ANO10: variants seen among roughly 807,000 people sequenced by gnomAD.
ANO10 encodes anoctamin 10, also known as anoctamin-10.
A neutral mutation model predicts 74.7 loss-of-function variants in ANO10; 77 were observed. That is an observed-to-expected ratio of 1.03 (90% CI 0.86 to 1.25). The LOEUF is 1.25. Ranked by LOEUF, ANO10 falls within the 50% of genes most tolerant of loss-of-function variation. The probability of loss-of-function intolerance (pLI) is 0.00; values close to 1 mark genes in which losing one functional copy is unlikely to be tolerated. For missense variants in ANO10, 721 were observed against 778.1 expected (o/e 0.93, Z 0.87); for synonymous variants, 279 against 284.9 (o/e 0.98, Z 0.21).
intron 1 of ANO10, among the ~76,000 whole-genome samples, chr3:43,610,798 T>C (rs966751413): frequency 1.3e-5 from 2 of 152,240 alleles, no homozygotes; most frequent in Admixed American, 6.5e-5. Flanking sequence ...TTATGAATAC[T>C]AAATATCAGT....
intron 12 of ANO10, among the ~76,000 whole-genome samples, chr3:43,404,609 T>C (rs1417109414): frequency 1.3e-5 from 2 of 152,240 alleles, no homozygotes; most frequent in South Asian, 2.1e-4. Flanking sequence ...TGGCCAAGTA[T>C]GATGGCTCAT....
At chr3:43,445,977 C>T (rs916021800) in intron 11 of ANO10, among the ~76,000 whole-genome samples, 6 of 152,106 alleles carry the variant, frequency 3.9e-5, no homozygotes, top group Non-Finnish European at 7.4e-5. Flanking sequence ...GATTACAGAA[C>T]ACCAAACCCA....
At chr3:43,636,033 A>AAAAAAAAAC (rs2083606418) in intron 1 of ANO10, among the ~76,000 whole-genome samples, 1 of 151,186 alleles carries the variant, frequency 6.6e-6, no homozygotes, top group African/African-American at 2.4e-5. Flanking sequence ...AAAAAAAAAC[A>AAAAAAAAAC]AAAAAAACCC....
chr3:43,656,785 C>T (rs1408846495), intron 1 of ANO10, among the ~76,000 whole-genome samples: 1 of 152,242 alleles, frequency 6.6e-6, no homozygotes, highest in African/African-American at 2.4e-5. Flanking sequence ...TGCACACAGC[C>T]CGGGTTCCTG....
chr3:43,638,010 TATC>T (rs1247504428), intron 1 of ANO10, among the ~76,000 whole-genome samples: 1 of 152,214 alleles, frequency 6.6e-6, no homozygotes, highest in Non-Finnish European at 1.5e-5. Flanking sequence ...TGTGCATATT[TATC>T]TTCAAATACA....
rs559281298 is a variant in ANO10 at position 43,460,078 on chromosome 3, A to C, written c.1798-27351T>G. Among the ~76,000 whole-genome samples, 6 of 152,332 alleles carry C rather than the reference A, an allele frequency of 3.9e-5. No individual in the cohort carries two copies. In the South Asian group the frequency reaches 1.2e-3, roughly 32 times the overall value. ...AGCAAAGAAACAAAAAGGCATCCAT[A>C]ATAATGAGGGAAATGGGAAGAAGGC... On this transcript the variant is annotated intron_variant, in intron 11 of 12. Transcript: ENST00000292246.
chr3:43,514,963 A>G (rs543114210), intron 11 of ANO10, among the ~76,000 whole-genome samples: 2 of 152,358 alleles, frequency 1.3e-5, no homozygotes, highest in South Asian at 4.1e-4. Flanking sequence ...GGGATGCACT[A>G]AAACACTATG....
chr3:43,578,749 C>CAA (rs56186109), intron 5 of ANO10, among the ~76,000 whole-genome samples: 13,841 of 63,998 alleles, frequency 0.22, 4,213 homozygotes, highest in East Asian at 0.41. Flanking sequence ...GACTCCATCT[C>CAA]AAAAAAAAAA....
At chr3:43,630,019 A>G (rs941052627) in intron 1 of ANO10, among the ~76,000 whole-genome samples, 2 of 152,198 alleles carry the variant, frequency 1.3e-5, no homozygotes, top group African/African-American at 4.8e-5. Context: ...AGAAGTTGAG[A>G]GAAGAGAAAA....
At chr3:43,588,479 A>G (rs1394166596) in intron 4 of ANO10, among the ~76,000 whole-genome samples, 2 of 152,158 alleles carry the variant, frequency 1.3e-5, no homozygotes, top group African/African-American at 2.4e-5. Flanking sequence ...ATAAAATGTA[A>G]CATCAACTAT....
At chr3:43,562,595 C>G (rs566605906) in intron 8 of ANO10, among the ~76,000 whole-genome samples, 1 of 150,434 alleles carries the variant, frequency 6.6e-6, no homozygotes, top group Non-Finnish European at 1.5e-5. Flanking sequence ...GTACAAGAAA[C>G]GCTTGAACCT....
chr3:43,518,654 G>A (rs199622544), intron 11 of ANO10, among the ~76,000 whole-genome samples: 2 of 152,102 alleles, frequency 1.3e-5, no homozygotes, highest in Non-Finnish European at 2.9e-5. Context: ...TTCCTAGGGG[G>A]AGGTCTCTAA....
intron 12 of ANO10, among the ~76,000 whole-genome samples, chr3:43,392,267 T>TC (rs1460025954): frequency 4.6e-5 from 5 of 107,608 alleles, no homozygotes; most frequent in African/African-American, 8.9e-5. Flanking sequence ...CACACTTTTA[T>TC]TCCCCAGTTC....
intron 11 of ANO10, among the ~76,000 whole-genome samples, chr3:43,480,204 C>CA (rs1362892081): frequency 6.6e-6 from 1 of 151,812 alleles, no homozygotes; most frequent in Non-Finnish European, 1.5e-5. Context: ...CAAGGAGACA[C>CA]AAAAATAGGG....
chr3:43,500,130 G>A (rs1401727631), intron 11 of ANO10, among the ~76,000 whole-genome samples: 1 of 152,162 alleles, frequency 6.6e-6, no homozygotes, highest in Non-Finnish European at 1.5e-5. Flanking sequence ...AGAGGCGTGA[G>A]CCACTGCGCC....
chr3:43,609,329 T>TA (rs1488548136), intron 1 of ANO10, among the ~76,000 whole-genome samples: 1 of 152,200 alleles, frequency 6.6e-6, no homozygotes, highest in East Asian at 1.9e-4. Context: ...CAGTTCAAGA[T>TA]AAAATGACAA....
rs760388836 is a variant in ANO10 at position 43,366,914 on chromosome 3, C to T, written c.1975G>A (p.Ala659Thr). Residue 659 changes from alanine to threonine, a missense_variant, in exon 13 of 13, where the codon GCA becomes ACA. Coordinates refer to ENST00000292246, the MANE Select transcript of ANO10 (RefSeq NM_018075.5). ...EEPMESGKEKAT is the reference protein window; with the variant it reads ...EEPMESGKEKTT ...CTGGGCACGCTGGGCACTCAGGTTG[C>T]CTTCTCCTTCCCGCTTTCCATTGGT... 10 of 1,592,050 alleles carry T rather than the reference C, an allele frequency of 6.3e-6. No homozygotes were observed. In the African/African-American group the frequency reaches 1.3e-4, roughly 21 times the overall value.
chr3:43,555,491 C>T (rs965235873), intron 9 of ANO10, 22 bp from the exon 10 acceptor site: 50 of 1,607,146 alleles, frequency 3.1e-5, no homozygotes, highest in Non-Finnish European at 4.2e-5. Flanking sequence ...AACAAGCATG[C>T]ATTATTTTAA....
chr3:43,655,844 G>T (rs2083843532), intron 1 of ANO10, among the ~76,000 whole-genome samples: 1 of 89,004 alleles, frequency 1.1e-5, no homozygotes, highest in Admixed American at 1.1e-4. Flanking sequence ...TAGACATAAA[G>T]GTTCTCCACG....
Sources: gnomAD v4.1 joint callset for allele counts (sites outside exome capture counted in the v4.1 genomes callset) on GRCh38, gnomAD v4.1.1 for gene constraint, MANE v1.5 for transcripts, NCBI Gene and HGNC (gene_info 2026-07-23, HGNC 2026-07-21) for gene names.